Variants in MECOM observed in about 807,000 individuals in gnomAD.
MECOM encodes MDS1 and EVI1 complex locus.
Under a neutral mutation model 116.3 loss-of-function variants are expected in MECOM, and 13 were observed. The ratio of observed to expected loss-of-function variants is 0.11; its 90% confidence interval spans 0.07 to 0.18. The LOEUF is 0.18. Ranked by LOEUF, MECOM falls within the 10% of genes least tolerant of loss-of-function variation. MECOM has a pLI of 1.00. For missense variants in MECOM, 1,299 were observed against 1,509.0 expected, an observed-to-expected ratio of 0.86 and a Z score of 2.31; for synonymous variants, 528 against 535.2, an observed-to-expected ratio of 0.99 and a Z score of 0.19.
chr3:169,145,143 AACACACACACACACACAC>A (rs67598122), intron 2 of MECOM: 32 of 513,250 alleles, frequency 6.2e-5, no homozygotes, highest in African/African-American at 1.9e-4. Flanking sequence ...GATATTATTA[AACACACACACACACACAC>A]ACACACACAC....
chr3:169,353,707 T>C (rs915048931), intron 2 of MECOM, among the ~76,000 whole-genome samples: 1 of 151,908 alleles, frequency 6.6e-6, no homozygotes, highest in Non-Finnish European at 1.5e-5. Flanking sequence ...AAGATAACCT[T>C]ATTTTTTTCT....
intron 1 of MECOM, among the ~76,000 whole-genome samples, chr3:169,443,911 C>T (rs1288581661): frequency 1.3e-5 from 2 of 152,186 alleles, no homozygotes; most frequent in Non-Finnish European, 2.9e-5. Flanking sequence ...CTCCTCCACT[C>T]TCTTGAGGTC....
Position 169,115,379 on chromosome 3 carries a change from T to C in MECOM, c.2489+4A>G. The C allele has an allele frequency of 6.2e-7, 1 of 1,612,826 alleles. No individual in the cohort carries two copies. Among genetic ancestry groups the C allele is most frequent in the Non-Finnish European group, 8.5e-7 (1 of 1,179,392 alleles). ...ATATTTCGTCATCTTCCATACACGC[T>C]TACCTGTAAATAGGGTCCATAAAGA... On this transcript the variant is annotated splice_donor_region_variant and intron_variant, in intron 8 of 16. Coordinates refer to ENST00000651503, the MANE Select transcript of MECOM (RefSeq NM_004991.4).
intron 1 of MECOM, among the ~76,000 whole-genome samples, chr3:169,489,084 A>G (rs550217804): frequency 3.7e-4 from 57 of 152,292 alleles, no homozygotes; most frequent in East Asian, 2.5e-3. Flanking sequence ...TAAATGCTAG[A>G]TAGACTACTA....
chr3:169,417,833 C>T (rs1358920610), intron 1 of MECOM, among the ~76,000 whole-genome samples: 1 of 152,062 alleles, frequency 6.6e-6, no homozygotes, highest in Non-Finnish European at 1.5e-5. Context: ...TGGAAATCAT[C>T]ATTCTCAGCA....
At chr3:169,527,430 A>G (rs1348537523) in intron 1 of MECOM, among the ~76,000 whole-genome samples, 1 of 152,236 alleles carries the variant, frequency 6.6e-6, no homozygotes, top group Non-Finnish European at 1.5e-5. Context: ...TTAAAGGAGT[A>G]AAGAGATTGA....
chr3:169,324,173 T>C (rs1162785838), intron 2 of MECOM, among the ~76,000 whole-genome samples: 1 of 152,182 alleles, frequency 6.6e-6, no homozygotes, highest in Non-Finnish European at 1.5e-5. Flanking sequence ...CGAACTCCTA[T>C]AGTGCTCTGT....
chr3:169,363,596 C>T (rs748135602), intron 2 of MECOM, among the ~76,000 whole-genome samples: 16 of 151,828 alleles, frequency 1.1e-4, no homozygotes, highest in Non-Finnish European at 2.2e-4. Flanking sequence ...AGACTGCTGG[C>T]TCTCTTTTCA....
At chr3:169,572,814 A>G (rs1029285846) in intron 1 of MECOM, among the ~76,000 whole-genome samples, 2 of 151,770 alleles carry the variant, frequency 1.3e-5, no homozygotes, top group Admixed American at 6.6e-5. Context: ...AACATCACAC[A>G]CCGGGGCCTG....
intron 2 of MECOM, among the ~76,000 whole-genome samples, chr3:169,321,345 T>A (rs1020805404): frequency 6.6e-6 from 1 of 152,016 alleles, no homozygotes; most frequent in African/African-American, 2.4e-5. Flanking sequence ...ATTGAGACCA[T>A]CCTGGCTAAC....
chr3:169,470,758 G>T (rs747046040), intron 1 of MECOM, among the ~76,000 whole-genome samples: 2 of 152,040 alleles, frequency 1.3e-5, no homozygotes, highest in Non-Finnish European at 2.9e-5. Context: ...GAGGAATCTG[G>T]TGTATCTATC....
chr3:169,214,363 A>G (rs1464145861), intron 2 of MECOM, among the ~76,000 whole-genome samples: 7 of 152,044 alleles, frequency 4.6e-5, no homozygotes, highest in Non-Finnish European at 8.8e-5. Context: ...ATACAAATAG[A>G]AAAGACATAT....
At position 169,534,968 on chromosome 3, in the gene MECOM, G is replaced by A. The variant is rs748140413; in HGVS notation, c.37+128368C>T. 5.3e-5 allele frequency among the ~76,000 whole-genome samples: 8 copies of A among 152,308 alleles called. No individual in the cohort carries two copies. In the East Asian group the frequency reaches 5.8e-4, roughly 11 times the overall value. On this transcript the variant is annotated intron_variant, in intron 1 of 16. Transcript: ENST00000651503. ...CATTTAGTCCCGAAAGGGAAATGTC[G>A]TTGTCCCCAGTTCTTTCCTTTCTCT...
Position 169,235,113 on chromosome 3 carries a change from A to G in MECOM, c.376-91281T>C, listed in dbSNP as rs150377256. Among the ~76,000 whole-genome samples the G allele has an allele frequency of 5.3e-5, 8 of 152,310 alleles. No homozygotes were observed. The East Asian group carries it at 1.5e-3, about 29-fold the overall frequency. The stretch of plus-strand genomic sequence containing the variant: ...GCTTACGCTATGATTTAAAAGTCCA[A>G]TTTTATAGTTTGGTAGAGACTAAAC... On this transcript the variant is annotated intron_variant, in intron 2 of 16. Transcript: ENST00000651503.
rs1275577173 is a variant in MECOM, at chr3:169,102,103, G to A, written c.2728C>T (p.Pro910Ser). Residue 910 changes from proline (P) to serine (S), a missense_variant, in exon 11 of 17, where the codon CCA (proline) becomes TCA (serine). Around this residue, in one of 6 missense-constraint regions of MECOM, gnomAD observed 340 missense variants for 312.6 expected, o/e 1.09. Coordinates refer to ENST00000651503, the MANE Select transcript of MECOM (RefSeq NM_004991.4). ...TTTCCCTTCCGCAGAAGGTTCTCTG[G>A]CAGGGCATTGGGAGGCGCCCTGAAG... ...FNFRAPPNAL[P>S]ENLLRKGKER... 1.9e-6 allele frequency: 3 copies of A among 1,613,486 alleles called. No homozygotes were observed. The highest frequency in any genetic ancestry group is 1.3e-5 in the African/African-American group (1 of 74,902).
chr3:169,287,680 A>G (rs1713615043), intron 2 of MECOM, among the ~76,000 whole-genome samples: 1 of 152,138 alleles, frequency 6.6e-6, no homozygotes, highest in African/African-American at 2.4e-5. Flanking sequence ...ACAATTAGGA[A>G]TTGTATTTTA....
chr3:169,378,227 C>T (rs1286265354), intron 2 of MECOM, among the ~76,000 whole-genome samples: 1 of 150,672 alleles, frequency 6.6e-6, no homozygotes, highest in Non-Finnish European at 1.5e-5. Context: ...ATGTAGATGA[C>T]GGGTTGATGG....
At chr3:169,546,908 C>T (rs1395207321) in intron 1 of MECOM, among the ~76,000 whole-genome samples, 1 of 152,150 alleles carries the variant, frequency 6.6e-6, no homozygotes, top group Non-Finnish European at 1.5e-5. Flanking sequence ...AACATGAATT[C>T]AACTATATTA....
intron 1 of MECOM, among the ~76,000 whole-genome samples, chr3:169,648,095 T>A (rs1774405330): frequency 1.3e-5 from 2 of 152,192 alleles, no homozygotes; most frequent in Admixed American, 1.3e-4. Context: ...ACAAGCTTCA[T>A]AATGACATGT....
Sources: allele counts gnomAD v4.1 joint callset (sites outside exome capture counted in the v4.1 genomes callset), GRCh38; gene constraint gnomAD v4.1.1; regional missense constraint gnomAD v4.1.1; transcripts MANE v1.5; gene names NCBI Gene and HGNC (gene_info 2026-07-23, HGNC 2026-07-21).